Variants in HYDIN observed in about 807,000 individuals in gnomAD.
HYDIN encodes the protein axonemal central pair apparatus protein HYDIN.
In HYDIN, 132 loss-of-function variants were observed where a neutral mutation model predicts 403.9. The ratio of observed to expected loss-of-function variants is 0.33; its 90% CI spans 0.28 to 0.38. HYDIN has a LOEUF of 0.38. HYDIN is among the 10% of genes least tolerant of loss of function. The pLI is 1.00. For synonymous variants in HYDIN, 1,202 were observed against 1,891.7 expected, an observed-to-expected ratio of 0.64 and a Z score of 9.46; for missense variants, 2,827 against 5,009.5, an observed-to-expected ratio of 0.56 and a Z score of 13.15.
At chr16:70,849,448 C>A (rs887424609) in intron 75 of HYDIN, among the ~76,000 whole-genome samples, 1 of 151,880 alleles carries the variant, frequency 6.6e-6, no homozygotes, top group African/African-American at 2.4e-5. Context: ...TCTTAGAAAA[C>A]GTTGTACATA....
intron 78 of HYDIN, 78 bp downstream of exon 78, chr16:70,835,598 C>T (rs927717750): frequency 2.6e-5 from 16 of 613,744 alleles, no homozygotes; most frequent in African/African-American, 2.6e-4. Context: ...GAAATGTGAG[C>T]TGCTAGTGTT....
At position 70,883,909 on chromosome 16, in the gene HYDIN, G is replaced by A. The variant is rs1346328737; in HGVS notation, c.9979+11C>T. The A allele has an allele frequency of 6.2e-7, 1 of 1,612,384 alleles. No individual in the cohort carries two copies. The highest frequency in any genetic ancestry group is 1.4e-5 in the African/African-American group (1 of 73,932). Reference sequence around the variant, plus strand: ...TTTTAAGTGGTGCTGTCCAATGTGAGTGGTCAGTACCTGGTAGACAGGCTT... The same window carrying A: ...TTTTAAGTGGTGCTGTCCAATGTGAATGGTCAGTACCTGGTAGACAGGCTT... On this transcript the variant is annotated intron_variant, in intron 59 of 85. Transcript: ENST00000393567.
rs1383341233 is a variant in HYDIN at position 71,067,272 on chromosome 16, C to T, written c.2075+18G>A. The T allele has an allele frequency of 1.3e-6, 2 of 1,562,048 alleles. No individual in the cohort carries two copies. The highest frequency in any genetic ancestry group is 1.8e-5 in the Admixed American group (1 of 56,994). Reference sequence around the variant, plus strand: ...GCTCGGGGGCGACTCAGGAGAAGAGCAAGCTGGGGAGCAATACCTTGCTGT... The same window carrying T: ...GCTCGGGGGCGACTCAGGAGAAGAGTAAGCTGGGGAGCAATACCTTGCTGT... On this transcript the variant is annotated intron_variant, in intron 15 of 85. Coordinates refer to ENST00000393567, the MANE Select transcript of HYDIN (RefSeq NM_001270974.2).
At chr16:70,939,123 G>C (rs1216587890) in intron 43 of HYDIN, among the ~76,000 whole-genome samples, 1 of 152,324 alleles carries the variant, frequency 6.6e-6, no homozygotes, top group East Asian at 1.9e-4. Flanking sequence ...AGGAGAGTCA[G>C]TCAGAGATGG....
chr16:71,011,465 G>A (rs1038142156), intron 23 of HYDIN, among the ~76,000 whole-genome samples: 11 of 151,862 alleles, frequency 7.2e-5, no homozygotes, highest in African/African-American at 2.4e-4. Context: ...CTAGCACTTC[G>A]GGAGACTGAG....
Position 71,063,286 on chromosome 16 carries a change from G to C in HYDIN, c.2212-953C>G, listed in dbSNP as rs111647088. Among the ~76,000 whole-genome samples, 99 of 152,364 alleles carry C rather than the reference G, an allele frequency of 6.5e-4. 1 individual carries two copies. Among genetic ancestry groups the C allele is most frequent in the African/African-American group, 2.3e-3 (95 of 41,582 alleles). ...ATCTGGTCTGGCCTAACATGGCCCA[G>C]TCTAACTCCTCCCTGTGCCGCAGTG... On this transcript the variant is annotated intron_variant, in intron 16 of 85. Transcript: ENST00000393567.
Position 70,832,843 on chromosome 16 carries a change from C to T in HYDIN, c.13899+5G>A. 1 of 1,602,304 alleles carries T rather than the reference C, an allele frequency of 6.2e-7. No homozygotes were observed. Among genetic ancestry groups the T allele is most frequent in the Non-Finnish European group, 8.5e-7 (1 of 1,172,016 alleles). ...ACTGGGCCACCCCGGGCAGCAGCTA[C>T]TAACCTCTTTTACCGCAGGTGGTCC... On this transcript the variant is annotated splice_donor_5th_base_variant and intron_variant, in intron 80 of 85. Transcript: ENST00000393567.
rs1279258798 is a variant in HYDIN at position 70,974,563 on chromosome 16, T to C, written c.4880A>G (p.His1627Arg). 1.9e-5 allele frequency: 31 copies of C among 1,605,782 alleles called. No homozygotes were observed. The Admixed American group carries it at 5.1e-4, about 26-fold the overall frequency. Residue 1627 changes from histidine (H) to arginine (R), a missense_variant, in exon 32 of 86, where the codon CAT (histidine) becomes CGT (arginine). His to Arg is a conservative substitution (Grantham distance 29). Coordinates refer to ENST00000393567, the MANE Select transcript of HYDIN (RefSeq NM_001270974.2). ...CTCATGAAGGACACGCTTGTCTGCA[T>C]GGAATGACACTGGAAAGTGACTGGT... is the stretch of plus-strand genomic sequence containing the variant. ...INTSHFPVSFHADKRVLHETG... is the reference protein window; with the variant it reads ...INTSHFPVSFRADKRVLHETG...
chr16:71,200,399 A>C (rs989096733), intron 1 of HYDIN, among the ~76,000 whole-genome samples: 4 of 152,184 alleles, frequency 2.6e-5, no homozygotes, highest in Non-Finnish European at 4.4e-5. Flanking sequence ...GTAACACAGG[A>C]AGTGCCCAGG....
At chr16:71,204,105 T>C (rs562608171) in intron 1 of HYDIN, 27 of 183,538 alleles carry the variant, frequency 1.5e-4, no homozygotes, top group Non-Finnish European at 2.0e-4. Context: ...GTTCTAAAGA[T>C]TGGAAAACTG....
At chr16:71,205,575 G>A (rs1181271206) in intron 1 of HYDIN, among the ~76,000 whole-genome samples, 1 of 152,216 alleles carries the variant, frequency 6.6e-6, no homozygotes, top group Non-Finnish European at 1.5e-5. Flanking sequence ...CTCCAACAGA[G>A]GCCACAGTTG....
chr16:70,878,126 G>A (rs1372602211), intron 62 of HYDIN, among the ~76,000 whole-genome samples: 3 of 152,102 alleles, frequency 2.0e-5, no homozygotes, highest in East Asian at 1.9e-4. Flanking sequence ...TCATGGGGGC[G>A]GGTCTTTCCC....
chr16:71,062,509 G>T, intron 16 of HYDIN, 176 bp from the exon 17 acceptor site: 2 of 556,566 alleles, frequency 3.6e-6, no homozygotes, highest in East Asian at 6.0e-5. Flanking sequence ...TGGTTAAGTG[G>T]GATGTGCGTG....
chr16:71,017,350 C>CAAAAA (rs57153160), intron 23 of HYDIN, among the ~76,000 whole-genome samples: 1 of 108,644 alleles, frequency 9.2e-6, no homozygotes, highest in Non-Finnish European at 1.8e-5. Flanking sequence ...AACTCTGTCT[C>CAAAAA]AAAAAAAAAA....
chr16:71,117,479 A>C (rs1417438023), intron 9 of HYDIN, among the ~76,000 whole-genome samples: 1 of 152,174 alleles, frequency 6.6e-6, no homozygotes, highest in Non-Finnish European at 1.5e-5. Flanking sequence ...TAAATAACTG[A>C]CTACTATGAT....
At chr16:71,176,308 A>AC (rs1381985883) in intron 4 of HYDIN, among the ~76,000 whole-genome samples, 1 of 150,690 alleles carries the variant, frequency 6.6e-6, no homozygotes, top group Middle Eastern at 3.2e-3. Flanking sequence ...TCTGTCTCAA[A>AC]AAAAAAAAAA....
In HYDIN at chr16:70,941,754, T is replaced by C. The variant is rs60570749; in HGVS notation, c.6735A>G (p.Ala2245=). Residue 2245 remains alanine (A), a synonymous_variant, in exon 43 of 86, where the codon GCA becomes GCG. Transcript: ENST00000393567. The stretch of plus-strand genomic sequence containing the variant: ...CCTTCAGCAGGCAGAGGAGGGCGGC[T>C]GCAGCATTCTGAGCAAAGAGAGTGT... The part of the protein sequence containing the change: ...GLDTLFAQNA[A]AALLCLLKAI... 9,181 of 1,593,422 alleles carry C rather than the reference T, an allele frequency of 5.8e-3. 377 individuals are homozygous for C. The African/African-American group carries it at 0.11, about 18-fold the overall frequency.
At chr16:70,843,263 A>G (rs62049793) in intron 75 of HYDIN, among the ~76,000 whole-genome samples, 35 of 138,998 alleles carry the variant, frequency 2.5e-4, no homozygotes, top group Non-Finnish European at 3.4e-4. Context: ...TCATTGTTCA[A>G]TTCCCACCTA....
At chr16:70,859,312 C>CA (rs914958073) in intron 71 of HYDIN, among the ~76,000 whole-genome samples, 27 of 151,398 alleles carry the variant, frequency 1.8e-4, no homozygotes, top group East Asian at 9.7e-4. Flanking sequence ...AAAACAAAAA[C>CA]AAAAAAAAGA....
Sources: allele counts gnomAD v4.1 joint callset (sites outside exome capture counted in the v4.1 genomes callset), GRCh38; gene constraint gnomAD v4.1.1; transcripts MANE v1.5; gene names NCBI Gene and HGNC (gene_info 2026-07-23, HGNC 2026-07-21).